Variants in AMPH observed in about 807,000 individuals in gnomAD.
AMPH encodes the protein amphiphysin (Stiff-Mann syndrome with breast cancer 128kD autoantigen).
In AMPH, 49 loss-of-function variants were observed where a neutral mutation model predicts 99.1. The ratio of observed to expected loss-of-function variants is 0.49; its 90% CI spans 0.39 to 0.63. AMPH has a LOEUF of 0.63. Ranked by LOEUF, AMPH falls within the 20% of genes least tolerant of loss-of-function variation. AMPH has a pLI of 0.00. For synonymous variants in AMPH, 314 were observed against 317.3 expected (o/e 0.99, Z 0.11); for missense variants, 759 against 863.4 (o/e 0.88, Z 1.52).
chr7:38,463,364 T>C (rs1307689097), intron 9 of AMPH: 1 of 593,536 alleles, frequency 1.7e-6, no homozygotes, highest in Admixed American at 2.3e-5. Flanking sequence ...GTCCCCACTT[T>C]ACAAGTAGTA....
At chr7:38,467,745 T>G (rs1465380724) in intron 7 of AMPH, among the ~76,000 whole-genome samples, 2 of 151,762 alleles carry the variant, frequency 1.3e-5, no homozygotes, top group African/African-American at 4.8e-5. Context: ...CATGGGAATG[T>G]TAAGTTACAA....
intron 7 of AMPH, 65 bp downstream of exon 7, chr7:38,475,266 A>C: frequency 9.9e-7 from 1 of 1,011,082 alleles, no homozygotes; most frequent in Non-Finnish European, 1.5e-6. Context: ...AGACAAGATA[A>C]GGGATATTCA....
At chr7:38,517,452 C>T (rs1789791755) in intron 2 of AMPH, among the ~76,000 whole-genome samples, 1 of 152,214 alleles carries the variant, frequency 6.6e-6, no homozygotes, top group Non-Finnish European at 1.5e-5. Context: ...TTCCTCTTCA[C>T]CTTCTGCCAT....
intron 6 of AMPH, among the ~76,000 whole-genome samples, chr7:38,476,015 T>C (rs1401237030): frequency 1.3e-5 from 2 of 152,162 alleles, no homozygotes; most frequent in Non-Finnish European, 2.9e-5. Context: ...TTTTGAGTAT[T>C]AAGGAAAGTT....
intron 15 of AMPH, among the ~76,000 whole-genome samples, chr7:38,426,738 A>G (rs1305113319): frequency 6.6e-6 from 1 of 152,230 alleles, no homozygotes; most frequent in Non-Finnish European, 1.5e-5. Flanking sequence ...CTGCTGGGCT[A>G]AACACTCTGT....
intron 11 of AMPH, among the ~76,000 whole-genome samples, chr7:38,453,580 C>T (rs942470773): frequency 2.0e-5 from 3 of 152,206 alleles, no homozygotes; most frequent in African/African-American, 4.8e-5. Flanking sequence ...TTTTTCCCCC[C>T]ACCATCAAGT....
chr7:38,486,961 G>A (rs904868812), intron 5 of AMPH, among the ~76,000 whole-genome samples: 4 of 152,100 alleles, frequency 2.6e-5, no homozygotes, highest in African/African-American at 9.7e-5. Flanking sequence ...AAAGCTTACA[G>A]TTAACATCAT....
chr7:38,628,961 A>G (rs1028099798), intron 1 of AMPH, among the ~76,000 whole-genome samples: 10 of 152,252 alleles, frequency 6.6e-5, no homozygotes, highest in Admixed American at 2.0e-4. Flanking sequence ...GGTGAAGCAC[A>G]GATGATAAGA....
At chr7:38,582,220 T>C (rs535226429) in intron 1 of AMPH, among the ~76,000 whole-genome samples, 2 of 151,890 alleles carry the variant, frequency 1.3e-5, no homozygotes, top group African/African-American at 4.8e-5. Flanking sequence ...ATGAAGAAAA[T>C]AGTTCAAGGA....
intron 1 of AMPH, among the ~76,000 whole-genome samples, chr7:38,613,333 A>G (rs35169721): frequency 0.01 from 1,537 of 152,306 alleles, 21 homozygotes; most frequent in Non-Finnish European, 0.015. Context: ...CTACCACGGC[A>G]TAGGACCCAA....
At chr7:38,532,965 T>A (rs920292896) in intron 2 of AMPH, among the ~76,000 whole-genome samples, 4 of 152,172 alleles carry the variant, frequency 2.6e-5, no homozygotes, top group African/African-American at 9.7e-5. Flanking sequence ...ACAGTGTGAA[T>A]CCTTAGGTAG....
intron 1 of AMPH, among the ~76,000 whole-genome samples, chr7:38,569,278 A>G (rs1791855778): frequency 6.6e-6 from 1 of 152,056 alleles, no homozygotes; most frequent in Admixed American, 6.6e-5. Context: ...AAAAAAAGAA[A>G]TGCCCCCAAA....
intron 1 of AMPH, among the ~76,000 whole-genome samples, chr7:38,545,247 C>G (rs938218704): frequency 5.9e-5 from 9 of 152,092 alleles, no homozygotes; most frequent in African/African-American, 9.7e-5. Flanking sequence ...CATGTGACCC[C>G]ATTCAAACCT....
At chr7:38,427,121 G>A (rs985574257) in intron 14 of AMPH, 135 bp from the exon 15 acceptor site, 4 of 706,548 alleles carry the variant, frequency 5.7e-6, no homozygotes, top group Non-Finnish European at 9.3e-6. Context: ...TGCTGTGCAT[G>A]AAAGAACTTA....
chr7:38,471,027 A>G (rs1463349252), intron 7 of AMPH, among the ~76,000 whole-genome samples: 1 of 152,174 alleles, frequency 6.6e-6, no homozygotes, highest in East Asian at 1.9e-4. Context: ...GCTCCAAGCA[A>G]ACAAAAACTT....
At chr7:38,443,226 T>A (rs1786625629) in intron 11 of AMPH, among the ~76,000 whole-genome samples, 1 of 151,906 alleles carries the variant, frequency 6.6e-6, no homozygotes, top group Non-Finnish European at 1.5e-5. Context: ...TAGAAATATA[T>A]CAAAACAAAA....
At chr7:38,445,619 T>C (rs577383869) in intron 11 of AMPH, among the ~76,000 whole-genome samples, 1 of 152,316 alleles carries the variant, frequency 6.6e-6, no homozygotes, top group East Asian at 1.9e-4. Context: ...CCAAAGAAGA[T>C]ATATGGGTGT....
At chr7:38,517,780 A>C (rs927150199) in intron 2 of AMPH, among the ~76,000 whole-genome samples, 1 of 152,230 alleles carries the variant, frequency 6.6e-6, no homozygotes, top group African/African-American at 2.4e-5. Context: ...TGACTATGTA[A>C]AGAATAAAAA....
At chr7:38,563,831 C>G (rs920787050) in intron 1 of AMPH, among the ~76,000 whole-genome samples, 1 of 152,164 alleles carries the variant, frequency 6.6e-6, no homozygotes, top group Non-Finnish European at 1.5e-5. Context: ...GACATATTTT[C>G]TTATGTTCTT....
Sources: gnomAD v4.1 joint callset for allele counts (sites outside exome capture counted in the v4.1 genomes callset) on GRCh38, gnomAD v4.1.1 for gene constraint, MANE v1.5 for transcripts, NCBI Gene and HGNC (gene_info 2026-07-23, HGNC 2026-07-21) for gene names.